ZNF831: variants seen among roughly 807,000 people sequenced by gnomAD.
ZNF831 encodes zinc finger protein 831, also known as chromosome 20 open reading frame 174.
Under a neutral mutation model 95.8 loss-of-function variants are expected in ZNF831, and 59 were observed. The observed-to-expected ratio is 0.62, with a 90% CI of 0.50 to 0.77. The LOEUF (loss-of-function observed/expected upper bound fraction) is 0.77. ZNF831 is among the 30% of genes least tolerant of loss of function. The pLI, the probability that ZNF831 is intolerant of heterozygous loss-of-function variation, is 0.00. For synonymous variants in ZNF831, 961 were observed against 925.5 expected (o/e 1.04, Z -0.70); for missense variants, 2,205 against 2,164.0 (o/e 1.02, Z -0.38).
intron 4 of ZNF831, among the ~76,000 whole-genome samples, chr20:59,234,429 A>G (rs1600667002): frequency 6.6e-6 from 1 of 152,108 alleles, no homozygotes; most frequent in Admixed American, 6.5e-5. Flanking sequence ...TGCCCGTTAG[A>G]TAGTTTGTCC....
At chr20:59,173,205 G>A (rs954454161) in intron 1 of ZNF831, among the ~76,000 whole-genome samples, 1 of 152,142 alleles carries the variant, frequency 6.6e-6, no homozygotes, top group Admixed American at 6.5e-5. Flanking sequence ...TCCTCACCTC[G>A]AGTTTTAGGA....
At chr20:59,216,960 T>C (rs1985723612) in intron 4 of ZNF831, among the ~76,000 whole-genome samples, 1 of 151,378 alleles carries the variant, frequency 6.6e-6, no homozygotes. Flanking sequence ...AAAAAAAAAC[T>C]TGGCAAAAGT....
intron 4 of ZNF831, among the ~76,000 whole-genome samples, chr20:59,232,145 T>G (rs2146700133): frequency 6.6e-6 from 1 of 152,298 alleles, no homozygotes; most frequent in East Asian, 1.9e-4. Context: ...GGCTCTCACT[T>G]TCCGTTACAG....
At chr20:59,189,378 T>G (rs774040007) in intron 1 of ZNF831, among the ~76,000 whole-genome samples, 1 of 152,232 alleles carries the variant, frequency 6.6e-6, no homozygotes. Flanking sequence ...AACGTATCTT[T>G]TAATTAGGGC....
chr20:59,220,316 AC>A (rs1912501130), intron 4 of ZNF831, among the ~76,000 whole-genome samples: 1 of 152,170 alleles, frequency 6.6e-6, no homozygotes, highest in African/African-American at 2.4e-5. Flanking sequence ...CAACAAAATC[AC>A]GGAGGCACCA....
rs113775561 is a variant in ZNF831, at chr20:59,194,183, C to T, written c.3164C>T (p.Pro1055Leu). Residue 1055 changes from proline (P) to leucine (L), a missense_variant, in exon 2 of 6, where the codon CCG (proline) becomes CTG (leucine). By Grantham distance (98) the Pro-to-Leu change is moderately conservative (BLOSUM62 -3). Coordinates refer to ENST00000371030, the MANE Select transcript of ZNF831 (RefSeq NM_178457.3). ...GCTCCCAGGGAGGCTACCTCCTCCC[C>T]GCCCACTCCAACGTGTGAGGCACAC... The part of the protein sequence containing the change: ...PGAPREATSS[P>L]PTPTCEAHLV... 1,054 of 1,600,244 alleles carry T rather than the reference C, an allele frequency of 6.6e-4. 12 individuals carry two copies. The African/African-American group carries it at 0.012, about 18-fold the overall frequency.
rs891443615 is a variant in ZNF831 at position 59,257,678 on chromosome 20, T to C, written c.*2935T>C. The C allele has an allele frequency of 6.6e-6, 1 of 152,238 alleles. No individual in the cohort carries two copies. The highest frequency in any genetic ancestry group is 2.4e-5 in the African/African-American group (1 of 41,460). 9.4% of individuals were successfully genotyped at this position (152,238 alleles called of 1,614,324 possible). On this transcript the variant is annotated 3_prime_UTR_variant, in exon 6 of 6. Coordinates refer to ENST00000371030, the MANE Select transcript of ZNF831 (RefSeq NM_178457.3). ...TTTTAGAACAAAGCAAACCAGAGTT[T>C]AAAGATCAGGGATTTCCTTCTTTCC...
intron 1 of ZNF831, among the ~76,000 whole-genome samples, chr20:59,144,740 C>G (rs1226011548): frequency 6.6e-6 from 1 of 152,226 alleles, no homozygotes; most frequent in African/African-American, 2.4e-5. Flanking sequence ...GTCAACCTCC[C>G]TGCCTCTCGT....
rs115313291 is a variant in ZNF831, at chr20:59,208,487, G to A, written c.4027+1431G>A. 0.017 allele frequency among the ~76,000 whole-genome samples: 2,583 copies of A among 152,246 alleles called. 74 individuals are homozygous for A. The highest frequency in any genetic ancestry group is 0.058 in the African/African-American group (2,397 of 41,548). On this transcript the variant is annotated intron_variant, in intron 4 of 5. Transcript: ENST00000371030. The surrounding 1 kb of genome is among the most constrained non-coding windows in gnomAD (Gnocchi z 4.2). ...TCCAGGTGCCCTGTGGATGCCCCTC[G>A]TCTCTCCTTAAGAGTTTTCCAATGT...
intron 4 of ZNF831, among the ~76,000 whole-genome samples, chr20:59,242,589 T>C (rs1480162841): frequency 1.3e-5 from 2 of 152,210 alleles, no homozygotes; most frequent in Admixed American, 6.5e-5. Context: ...AAATCTTAAA[T>C]TGATTACCTT....
intron 2 of ZNF831, among the ~76,000 whole-genome samples, chr20:59,155,979 A>G (rs1212638764): frequency 6.6e-6 from 1 of 151,672 alleles, no homozygotes; most frequent in Non-Finnish European, 1.5e-5. Context: ...AGTAGGGTCC[A>G]CCTAAAGGGT....
chr20:59,227,198 G>C (rs778473017), intron 4 of ZNF831, among the ~76,000 whole-genome samples: 12 of 152,138 alleles, frequency 7.9e-5, no homozygotes, highest in Admixed American at 1.3e-4. Flanking sequence ...ACTGAATGGC[G>C]TCATTTCAGG....
chr20:59,156,605 C>T (rs1980558061), intron 2 of ZNF831, among the ~76,000 whole-genome samples: 1 of 152,090 alleles, frequency 6.6e-6, no homozygotes. Flanking sequence ...GTGTACTAGG[C>T]CTCCAGAACT....
chr20:59,196,591 A>G (rs1306073305), intron 3 of ZNF831, among the ~76,000 whole-genome samples: 1 of 152,134 alleles, frequency 6.6e-6, no homozygotes, highest in Non-Finnish European at 1.5e-5. Context: ...GTTGCATACA[A>G]GTTGAAAAGC....
At chr20:59,154,579 T>G (rs1268338770) in intron 2 of ZNF831, among the ~76,000 whole-genome samples, 6 of 152,194 alleles carry the variant, frequency 3.9e-5, no homozygotes, top group Non-Finnish European at 8.8e-5. Flanking sequence ...TCTTAATGAC[T>G]TTCTCTCGGA....
intron 4 of ZNF831, among the ~76,000 whole-genome samples, chr20:59,244,381 C>G (rs1987491983): frequency 6.6e-6 from 1 of 152,150 alleles, no homozygotes; most frequent in South Asian, 2.1e-4. Flanking sequence ...TTTCAGCAAC[C>G]TGTTCTGATC....
At chr20:59,156,061 C>T (rs1039615380) in intron 2 of ZNF831, among the ~76,000 whole-genome samples, 8 of 152,106 alleles carry the variant, frequency 5.3e-5, no homozygotes, top group African/African-American at 1.4e-4. Flanking sequence ...AAGCAAGTCC[C>T]GTAAAAAGCT....
chr20:59,157,619 T>C (rs1334391170), intron 2 of ZNF831, among the ~76,000 whole-genome samples: 6 of 152,190 alleles, frequency 3.9e-5, no homozygotes, highest in African/African-American at 1.2e-4. Flanking sequence ...AGGACTTGGA[T>C]TCAAGGAACA....
chr20:59,163,042 T>TGTG (rs1271808066), upstream of ZNF831, among the ~76,000 whole-genome samples: 1 of 151,850 alleles, frequency 6.6e-6, no homozygotes, highest in African/African-American at 2.4e-5. Context: ...TGTGTGTGTG[T>TGTG]GTGTGTGTGT....
Sources: allele counts gnomAD v4.1 joint callset (sites outside exome capture counted in the v4.1 genomes callset), GRCh38; gene constraint gnomAD v4.1.1; non-coding constraint Gnocchi (gnomAD v3.1); transcripts MANE v1.5; gene names NCBI Gene and HGNC (gene_info 2026-07-23, HGNC 2026-07-21).